Variants in DLGAP2 observed in about 807,000 individuals in gnomAD.
The protein encoded by DLGAP2 is disks large-associated protein 2.
Under a neutral mutation model 100.3 loss-of-function variants are expected in DLGAP2, and 26 were observed. That is an observed-to-expected ratio of 0.26 (90% CI 0.19 to 0.36). The LOEUF (loss-of-function observed/expected upper bound fraction) is 0.36, where lower values mean the gene tolerates loss of function less well. Among genes scored for constraint, DLGAP2 ranks in the 10% least tolerant of loss-of-function variants. The pLI is 1.00. For missense variants in DLGAP2, 1,858 were observed against 1,453.2 expected, an observed-to-expected ratio of 1.28 and a Z score of -4.53; for synonymous variants, 886 against 630.1, an observed-to-expected ratio of 1.41 and a Z score of -6.08.
intron 8 of DLGAP2, among the ~76,000 whole-genome samples, chr8:1,652,229 T>G (rs1158279575): frequency 6.6e-6 from 1 of 152,212 alleles, no homozygotes; most frequent in African/African-American, 2.4e-5. Flanking sequence ...GTGAAGATGC[T>G]AATGACATTC....
intron 1 of DLGAP2, among the ~76,000 whole-genome samples, chr8:893,934 C>A (rs562160976): frequency 6.6e-6 from 1 of 152,194 alleles, no homozygotes; most frequent in East Asian, 1.9e-4. Flanking sequence ...TTGGGAGGTT[C>A]GGCGTCTCCG....
rs1410044894 is a variant in DLGAP2, at chr8:883,491, T to G, written c.19-24421T>G. ...TTATTACTTGATATGCAAATGCATA[T>G]TCTTTTTTTTCCCTTAATTTCTTCT... is the stretch of plus-strand genomic sequence containing the variant. On this transcript the variant is annotated intron_variant, in intron 1 of 14. Coordinates refer to ENST00000637795, the MANE Select transcript of DLGAP2 (RefSeq NM_001346810.2). The G allele has an allele frequency of 3.9e-5, 6 of 152,206 alleles. No individual in the cohort carries two copies. The East Asian group carries it at 9.6e-4, about 24-fold the overall frequency. The allele number at this position is 152,206 out of a possible 1,614,324, so 9.4% of individuals were successfully genotyped here.
intron 1 of DLGAP2, among the ~76,000 whole-genome samples, chr8:763,180 C>T (rs138070956): frequency 1.5e-3 from 228 of 152,272 alleles, no homozygotes; most frequent in African/African-American, 4.8e-3. Flanking sequence ...GGAAGGAGCA[C>T]GGCGTTGTGG....
At chr8:1,524,002 G>A (rs1390309904) in intron 4 of DLGAP2, among the ~76,000 whole-genome samples, 3 of 152,274 alleles carry the variant, frequency 2.0e-5, no homozygotes, top group East Asian at 3.9e-4. Flanking sequence ...GTCCGGATTC[G>A]GCATCAGATC....
intron 3 of DLGAP2, among the ~76,000 whole-genome samples, chr8:1,477,434 G>A (rs1798966698): frequency 6.6e-6 from 1 of 152,146 alleles, no homozygotes; most frequent in African/African-American, 2.4e-5. Flanking sequence ...CGCTTTGCCT[G>A]TCCCTGCTGG....
intron 8 of DLGAP2, among the ~76,000 whole-genome samples, chr8:1,654,298 C>T (rs6998286): frequency 0.39 from 58,934 of 152,054 alleles, 11,725 homozygotes; most frequent in East Asian, 0.5. Flanking sequence ...TTCTTGGTCT[C>T]TTCATTTTTC....
chr8:1,653,300 G>A (rs553980806), intron 8 of DLGAP2, among the ~76,000 whole-genome samples: 8 of 152,302 alleles, frequency 5.3e-5, no homozygotes, highest in South Asian at 4.2e-4. Context: ...CTGGCCCTGC[G>A]GGTGGGGTAG....
chr8:1,064,254 T>C (rs189274689), intron 2 of DLGAP2, among the ~76,000 whole-genome samples: 3 of 152,368 alleles, frequency 2.0e-5, no homozygotes, highest in African/African-American at 7.2e-5. Flanking sequence ...AGTCAACTTA[T>C]TTATGGTTAA....
chr8:1,358,848 T>C (rs1459741446), intron 3 of DLGAP2, among the ~76,000 whole-genome samples: 3 of 150,466 alleles, frequency 2.0e-5, no homozygotes, highest in African/African-American at 7.3e-5. Context: ...TCAGGAGCCC[T>C]GCGGCAGGGC....
chr8:1,141,212 G>T (rs1449489673), intron 2 of DLGAP2, among the ~76,000 whole-genome samples: 1 of 152,162 alleles, frequency 6.6e-6, no homozygotes, highest in African/African-American at 2.4e-5. Context: ...ATGTGGGAGT[G>T]ACAGGGAGTG....
chr8:1,475,316 G>A (rs111811490), intron 3 of DLGAP2, among the ~76,000 whole-genome samples: 5 of 151,308 alleles, frequency 3.3e-5, no homozygotes, highest in East Asian at 3.9e-4. Context: ...TAAAATAAAC[G>A]TTAAAAAAGA....
chr8:1,203,750 G>A (rs1797932602), intron 2 of DLGAP2, among the ~76,000 whole-genome samples: 2 of 152,318 alleles, frequency 1.3e-5, no homozygotes, highest in South Asian at 4.1e-4. Context: ...TCACTTTACA[G>A]TGATGAAATA....
At chr8:1,410,752 A>G (rs530515988) in intron 3 of DLGAP2, among the ~76,000 whole-genome samples, 4 of 151,920 alleles carry the variant, frequency 2.6e-5, no homozygotes, top group Admixed American at 6.6e-5. Flanking sequence ...CTGATTTGGA[A>G]CCTGGTTTTC....
intron 1 of DLGAP2, among the ~76,000 whole-genome samples, chr8:749,952 C>T (rs113948916): frequency 6.6e-6 from 1 of 152,210 alleles, no homozygotes; most frequent in South Asian, 2.1e-4. Flanking sequence ...GTGGCCTCCT[C>T]CTCTTCTCCT....
chr8:1,018,557 GC>G (rs1801538648), intron 2 of DLGAP2, among the ~76,000 whole-genome samples: 1 of 152,174 alleles, frequency 6.6e-6, no homozygotes, highest in African/African-American at 2.4e-5. Context: ...TGTCCTCCTG[GC>G]TCTGCCTGTG....
At position 743,151 on chromosome 8, in the gene DLGAP2, A is replaced by G. The variant is rs185056317; in HGVS notation, c.18+5326A>G. Among the ~76,000 whole-genome samples the G allele has an allele frequency of 9.2e-5, 14 of 152,318 alleles. No individual in the cohort carries two copies. The East Asian group carries it at 2.5e-3, about 27-fold the overall frequency. ...TTGGACCCAACTTAACCACAGAAGG[A>G]CAAGGGAAAAAATGCTAATTAGAAA... On this transcript the variant is annotated intron_variant, in intron 1 of 14. Transcript: ENST00000637795.
At chr8:1,294,462 A>G (rs966305217) in intron 3 of DLGAP2, among the ~76,000 whole-genome samples, 1 of 152,048 alleles carries the variant, frequency 6.6e-6, no homozygotes, top group Non-Finnish European at 1.5e-5. Flanking sequence ...ATGTGTTGAA[A>G]CACATTCTCA....
intron 2 of DLGAP2, among the ~76,000 whole-genome samples, chr8:1,093,355 CAACA>C (rs1202438229): frequency 7.4e-6 from 1 of 134,792 alleles, no homozygotes; most frequent in African/African-American, 3.9e-5. Context: ...ACCTTCACAC[CAACA>C]GCCAGAAACA....
intron 4 of DLGAP2, among the ~76,000 whole-genome samples, chr8:1,509,567 T>C (rs1800084727): frequency 6.6e-6 from 1 of 152,050 alleles, no homozygotes; most frequent in South Asian, 2.1e-4. Context: ...TTGTGCTGTC[T>C]CGGTGTTTGA....
Sources: allele counts gnomAD v4.1 joint callset (sites outside exome capture counted in the v4.1 genomes callset), GRCh38; gene constraint gnomAD v4.1.1; transcripts MANE v1.5; gene names NCBI Gene and HGNC (gene_info 2026-07-23, HGNC 2026-07-21).